The following UST variants were observed in gnomAD, a reference collection of about 807,000 sequenced individuals.
The protein encoded by UST is chondroitin sulfate 2-O-sulfotransferase.
A neutral mutation model predicts 45.6 loss-of-function variants in UST; 21 were observed. That is an observed-to-expected ratio of 0.46 (90% CI 0.33 to 0.66). UST has a LOEUF of 0.66. Ranked by LOEUF, UST falls within the 30% of genes least tolerant of loss-of-function variation. The pLI, the probability that UST is intolerant of heterozygous loss-of-function variation, is 0.02. For synonymous variants in UST, 215 were observed against 200.6 expected (o/e 1.07, Z -0.61); for missense variants, 463 against 512.4 (o/e 0.90, Z 0.93).
intron 7 of UST, among the ~76,000 whole-genome samples, chr6:149,036,774 C>T (rs762128337): frequency 3.9e-5 from 6 of 152,192 alleles, no homozygotes; most frequent in East Asian, 1.9e-4. Context: ...GATCCTTTAA[C>T]GGTAATTGAT....
At chr6:148,925,396 A>G (rs78809050) in intron 2 of UST, among the ~76,000 whole-genome samples, 4,499 of 152,314 alleles carry the variant, frequency 0.03, 78 homozygotes, top group Non-Finnish European at 0.038. Context: ...GGACGAATGC[A>G]GATGAAGGAC....
chr6:148,857,186 T>C (rs1431911935), intron 1 of UST, among the ~76,000 whole-genome samples: 4 of 152,030 alleles, frequency 2.6e-5, no homozygotes, highest in Admixed American at 2.6e-4. Context: ...AACTGTGAAT[T>C]TTCACCACAA....
chr6:148,760,565 A>G (rs985420809), intron 1 of UST, among the ~76,000 whole-genome samples: 5 of 152,224 alleles, frequency 3.3e-5, no homozygotes, highest in Non-Finnish European at 5.9e-5. Context: ...TGCTACACAC[A>G]TAAATCTTGT....
chr6:148,929,190 C>T (rs1449397504), intron 2 of UST, among the ~76,000 whole-genome samples: 1 of 152,162 alleles, frequency 6.6e-6, no homozygotes, highest in Non-Finnish European at 1.5e-5. Context: ...ATCCATTCTC[C>T]CACAGCCTCC....
chr6:148,956,739 T>C (rs1353525696), intron 4 of UST, among the ~76,000 whole-genome samples: 1 of 152,198 alleles, frequency 6.6e-6, no homozygotes, highest in Admixed American at 6.5e-5. Flanking sequence ...TTTTACTCAA[T>C]TAAACACATG....
chr6:148,956,428 T>C (rs1343516038), intron 4 of UST, among the ~76,000 whole-genome samples: 1 of 152,152 alleles, frequency 6.6e-6, no homozygotes, highest in Admixed American at 6.5e-5. Context: ...AAAACCATCA[T>C]ATCTTGTGAG....
At chr6:148,848,305 G>A (rs1425973011) in intron 1 of UST, among the ~76,000 whole-genome samples, 2 of 151,970 alleles carry the variant, frequency 1.3e-5, no homozygotes, top group African/African-American at 4.8e-5. Context: ...ACCCATTCTT[G>A]GTTGTTAAAA....
chr6:148,920,478 C>T (rs1326296340), intron 2 of UST, among the ~76,000 whole-genome samples: 3 of 152,130 alleles, frequency 2.0e-5, no homozygotes, highest in African/African-American at 7.2e-5. Context: ...AAGTTCTTCC[C>T]TCCCTTTTTC....
chr6:148,826,926 G>A (rs1777578751), intron 1 of UST, among the ~76,000 whole-genome samples: 1 of 152,022 alleles, frequency 6.6e-6, no homozygotes, highest in Non-Finnish European at 1.5e-5. Flanking sequence ...CTGACTTTCT[G>A]TTCTGCCTCT....
At chr6:148,844,588 CT>C (rs1777949321) in intron 1 of UST, among the ~76,000 whole-genome samples, 1 of 152,174 alleles carries the variant, frequency 6.6e-6, no homozygotes, top group South Asian at 2.1e-4. Flanking sequence ...AGGATTAGGG[CT>C]GCCTGTTCTT....
intron 5 of UST, chr6:149,005,571 ATGAT>A: frequency 3.0e-6 from 3 of 985,420 alleles, no homozygotes; most frequent in Non-Finnish European, 3.6e-6. Context: ...ACCGAATAAA[ATGAT>A]TGGTACTCAG....
chr6:148,853,040 G>C (rs1778135442), intron 1 of UST, among the ~76,000 whole-genome samples: 2 of 152,148 alleles, frequency 1.3e-5, no homozygotes, highest in South Asian at 4.1e-4. Flanking sequence ...GTGGTGGTTT[G>C]CTGCACCTAT....
At chr6:148,932,260 A>G (rs972316721) in intron 2 of UST, among the ~76,000 whole-genome samples, 14 of 152,132 alleles carry the variant, frequency 9.2e-5, no homozygotes, top group Non-Finnish European at 1.0e-4. Flanking sequence ...TGTGCCTGTA[A>G]TCCTAGCTGT....
At chr6:148,987,578 AAAG>A (rs1781261812) in intron 5 of UST, among the ~76,000 whole-genome samples, 1 of 152,248 alleles carries the variant, frequency 6.6e-6, no homozygotes, top group South Asian at 2.1e-4. Flanking sequence ...TCTCTCATGA[AAAG>A]AACGCTTGCC....
At chr6:148,765,228 T>C (rs1240125949) in intron 1 of UST, among the ~76,000 whole-genome samples, 1 of 152,184 alleles carries the variant, frequency 6.6e-6, no homozygotes, top group African/African-American at 2.4e-5. Context: ...GGGTATCCTT[T>C]CCCCATTGTA....
At chr6:148,770,532 C>T (rs140821404) in intron 1 of UST, among the ~76,000 whole-genome samples, 27 of 152,016 alleles carry the variant, frequency 1.8e-4, no homozygotes, top group African/African-American at 6.5e-4. Flanking sequence ...GAGAAGCCAC[C>T]GAACATTTTT....
At chr6:148,915,842 C>A (rs781510874) in intron 2 of UST, among the ~76,000 whole-genome samples, 4 of 152,130 alleles carry the variant, frequency 2.6e-5, no homozygotes, top group Admixed American at 6.5e-5. Context: ...CTCAGGTTTG[C>A]CCAAGAAGAA....
At chr6:149,048,145 A>G (rs1776420912) in intron 7 of UST, among the ~76,000 whole-genome samples, 1 of 142,492 alleles carries the variant, frequency 7.0e-6, no homozygotes, top group South Asian at 2.1e-4. Flanking sequence ...TTTAATGAAA[A>G]TATGAAAGGA....
chr6:149,062,346 T>A (rs562340659), intron 7 of UST, among the ~76,000 whole-genome samples: 330 of 152,308 alleles, frequency 2.2e-3, no homozygotes, highest in Middle Eastern at 6.8e-3. Context: ...AAGTGAAGTA[T>A]GCATAGTCAA....
Sources: allele counts gnomAD v4.1 joint callset (sites outside exome capture counted in the v4.1 genomes callset), GRCh38; gene constraint gnomAD v4.1.1; transcripts MANE v1.5; gene names NCBI Gene and HGNC (gene_info 2026-07-23, HGNC 2026-07-21).